Variants in GALNT11 observed in about 807,000 individuals in gnomAD.
GALNT11 encodes the protein polypeptide N-acetylgalactosaminyltransferase 11.
A neutral mutation model predicts 72.7 loss-of-function variants in GALNT11; 47 were observed. The observed-to-expected ratio is 0.65, with a 90% CI of 0.51 to 0.82. The LOEUF is 0.82. Ranked by LOEUF, GALNT11 falls within the 40% of genes least tolerant of loss-of-function variation. The pLI, the probability that GALNT11 is intolerant of heterozygous loss-of-function variation, is 0.00. For missense variants in GALNT11, 677 were observed against 778.4 expected (o/e 0.87, Z 1.55); for synonymous variants, 270 against 286.6 (o/e 0.94, Z 0.58).
At position 152,080,700 on chromosome 7, in the gene GALNT11, G is replaced by A. The variant is rs544355821; in HGVS notation, c.-38-13490G>A. The stretch of plus-strand genomic sequence containing the variant: ...TTGCGGGCCAGGTACAGTGGCTCAC[G>A]CCTGTAATCCCAGCACTTTGGGAGG... On this transcript the variant is annotated intron_variant, in intron 1 of 11. Coordinates refer to ENST00000430044, the MANE Select transcript of GALNT11 (RefSeq NM_022087.4). Among the ~76,000 whole-genome samples, 11 of 152,208 alleles carry A rather than the reference G, an allele frequency of 7.2e-5. No homozygotes were observed. In the South Asian group the frequency reaches 8.3e-4, roughly 11 times the overall value.
chr7:152,034,775 A>G (rs2082478693), intron 1 of GALNT11, among the ~76,000 whole-genome samples: 1 of 152,144 alleles, frequency 6.6e-6, no homozygotes, highest in African/African-American at 2.4e-5. Context: ...CAGCAGAAAC[A>G]CTAGTTTTCC....
intron 1 of GALNT11, among the ~76,000 whole-genome samples, chr7:152,041,662 T>A (rs2082867530): frequency 1.3e-5 from 2 of 152,242 alleles, no homozygotes; most frequent in Non-Finnish European, 2.9e-5. Flanking sequence ...CAGCTGTAAC[T>A]CTGCCTCAGC....
chr7:152,094,609 G>T lies in GALNT11; in HGVS notation c.295+87G>T. 3 of 1,409,198 alleles carry T rather than the reference G, an allele frequency of 2.1e-6. 1 individual carries two copies. The South Asian group carries it at 4.3e-5, about 20-fold the overall frequency. The allele number at this position is 1,409,198 out of a possible 1,614,324, so 87.3% of individuals were successfully genotyped here. ...ATTAGTTAATTAGGAGATCAGAAAT[G>T]CTGCATCATTTTTTCCCCACTGATT... is the stretch of plus-strand genomic sequence containing the variant. On this transcript the variant is annotated intron_variant, in intron 2 of 11. Coordinates refer to ENST00000430044, the MANE Select transcript of GALNT11 (RefSeq NM_022087.4). This position sits in a 1 kb window ranked among gnomAD's most constrained non-coding sequence, Gnocchi z 4.3.
chr7:152,074,811 A>G (rs939584657), intron 1 of GALNT11, among the ~76,000 whole-genome samples: 6 of 151,960 alleles, frequency 3.9e-5, no homozygotes, highest in East Asian at 1.9e-4. Flanking sequence ...TTCCTGCCCT[A>G]TTTCCTTGAG....
At chr7:152,106,584 G>A (rs2079777409) in intron 5 of GALNT11, among the ~76,000 whole-genome samples, 1 of 152,148 alleles carries the variant, frequency 6.6e-6, no homozygotes, top group Non-Finnish European at 1.5e-5. Flanking sequence ...AGTTATTTAA[G>A]GCAAAGCAAT....
chr7:152,121,975 CA>C lies in GALNT11; in HGVS notation c.*301del. 1 of 271,676 alleles carries C rather than the reference CA, an allele frequency of 3.7e-6. No individual in the cohort carries two copies. The highest frequency in any genetic ancestry group is 7.0e-6 in the Non-Finnish European group (1 of 142,758). 16.8% of individuals were successfully genotyped at this position (271,676 alleles called of 1,614,324 possible). ...TTAAGGAATTTCTTGCTTATAGAGG[CA>C]AACCACAGTATCATTTTAACTCTAG... On this transcript the variant is annotated 3_prime_UTR_variant, in exon 12 of 12. Transcript: ENST00000430044.
intron 1 of GALNT11, among the ~76,000 whole-genome samples, chr7:152,054,503 C>CT (rs1037895401): frequency 0.045 from 3,232 of 72,060 alleles, 100 homozygotes; most frequent in Non-Finnish European, 0.055. Context: ...TTTTTCTTGT[C>CT]TTTTTTTTTT....
At chr7:152,089,541 C>T (rs750929526) in intron 1 of GALNT11, among the ~76,000 whole-genome samples, 8 of 152,174 alleles carry the variant, frequency 5.3e-5, no homozygotes, top group Non-Finnish European at 8.8e-5. Context: ...TAAACTAAAA[C>T]CCGATTGGCT....
intron 2 of GALNT11, among the ~76,000 whole-genome samples, chr7:152,098,590 C>A (rs1161742610): frequency 6.6e-6 from 1 of 152,040 alleles, no homozygotes; most frequent in Admixed American, 6.6e-5. Context: ...CTAAAACAAT[C>A]TTTTCATATG....
chr7:152,097,563 C>G (rs2086471048), intron 2 of GALNT11, among the ~76,000 whole-genome samples: 1 of 152,202 alleles, frequency 6.6e-6, no homozygotes, highest in South Asian at 2.1e-4. Context: ...ATTAGCAGCA[C>G]TATTCTCAAT....
At chr7:152,089,290 A>C (rs1463409353) in intron 1 of GALNT11, among the ~76,000 whole-genome samples, 1 of 152,322 alleles carries the variant, frequency 6.6e-6, no homozygotes, top group East Asian at 1.9e-4. Flanking sequence ...TCAAAAAAAC[A>C]ATCTTAGGTT....
At chr7:152,080,446 A>T (rs902716448) in intron 1 of GALNT11, among the ~76,000 whole-genome samples, 2 of 152,248 alleles carry the variant, frequency 1.3e-5, no homozygotes, top group African/African-American at 4.8e-5. Context: ...AAAAGAAAGA[A>T]CAAAGAAAAT....
chr7:152,117,006 G>A (rs141570901), intron 8 of GALNT11, 151 bp from the exon 9 acceptor site: 9,319 of 735,862 alleles, frequency 0.013, 97 homozygotes, highest in Non-Finnish European at 0.016. Context: ...TCATATATAC[G>A]CCTGTTTCAT....
rs775484695 is a variant in GALNT11 at position 152,108,285 on chromosome 7, AAAGT to A, written c.962+2_962+5del. 1.2e-6 allele frequency: 2 copies of A among 1,603,416 alleles called. No individual in the cohort carries two copies. Among genetic ancestry groups the A allele is most frequent in the Non-Finnish European group, 1.7e-6 (2 of 1,171,084 alleles). On this transcript the variant is annotated splice_donor_variant and coding_sequence_variant, in exon 6 of 12. Transcript: ENST00000430044. LOFTEE classifies it high-confidence loss of function. ...GAGCGGAGGGAGCCACTGCACCAAT[AAAGT>A]AAGATCGCTCCTTTGTTTGACAAAT...
At chr7:152,097,708 T>G (rs1243039050) in intron 2 of GALNT11, among the ~76,000 whole-genome samples, 1 of 152,222 alleles carries the variant, frequency 6.6e-6, no homozygotes, top group East Asian at 1.9e-4. Context: ...ACAACATGGA[T>G]GAACCTTGAA....
chr7:152,039,186 G>A (rs2082727231), intron 1 of GALNT11, among the ~76,000 whole-genome samples: 1 of 152,184 alleles, frequency 6.6e-6, no homozygotes, highest in Non-Finnish European at 1.5e-5. Flanking sequence ...TCCCCTAGGG[G>A]ACCAATCAAT....
intron 1 of GALNT11, among the ~76,000 whole-genome samples, chr7:152,093,214 G>A (rs1276577882): frequency 2.0e-5 from 3 of 149,724 alleles, no homozygotes; most frequent in Admixed American, 1.3e-4. Flanking sequence ...GGGTGACAGA[G>A]TGAGACTCTG....
intron 1 of GALNT11, among the ~76,000 whole-genome samples, chr7:152,089,058 C>T (rs943215538): frequency 2.6e-5 from 4 of 152,130 alleles, no homozygotes; most frequent in Admixed American, 2.0e-4. Context: ...CTGGCCCATG[C>T]AGGAGAACTG....
chr7:152,074,329 G>A (rs1343522121), intron 1 of GALNT11: 2 of 152,100 alleles, frequency 1.3e-5, no homozygotes, highest in Non-Finnish European at 2.9e-5. Context: ...AGAGGTGGGA[G>A]GCTAGTTTCA....
Sources: allele counts gnomAD v4.1 joint callset (sites outside exome capture counted in the v4.1 genomes callset), GRCh38; gene constraint gnomAD v4.1.1; non-coding constraint Gnocchi (gnomAD v3.1); transcripts MANE v1.5; gene names NCBI Gene and HGNC (gene_info 2026-07-23, HGNC 2026-07-21).